The following MTCH2 variants were observed in gnomAD, a reference collection of about 807,000 sequenced individuals.
MTCH2 encodes the protein mitochondrial carrier homolog 2.
MTCH2 carries 25 observed loss-of-function variants against 50.6 expected under a neutral mutation model. The observed-to-expected ratio is 0.49, with a 90% CI of 0.36 to 0.69. The LOEUF (loss-of-function observed/expected upper bound fraction) is 0.69. Ranked by LOEUF, MTCH2 falls within the 30% of genes least tolerant of loss-of-function variation. The probability of loss-of-function intolerance (pLI) is 0.00; values close to 1 mark genes in which losing one functional copy is unlikely to be tolerated. For missense variants in MTCH2, 273 were observed against 384.4 expected (o/e 0.71, Z 2.42); for synonymous variants, 106 against 132.0 (o/e 0.80, Z 1.35).
At chr11:47,622,257 G>T (rs548016659) in intron 12 of MTCH2, among the ~76,000 whole-genome samples, 24 of 152,110 alleles carry the variant, frequency 1.6e-4, no homozygotes, top group Admixed American at 1.4e-3. Context: ...CCCTAAATTG[G>T]TATCTAGGCA....
At chr11:47,620,643 G>A (rs776046684) in intron 12 of MTCH2, among the ~76,000 whole-genome samples, 2 of 152,142 alleles carry the variant, frequency 1.3e-5, no homozygotes, top group Non-Finnish European at 2.9e-5. Flanking sequence ...GACAGAGCTT[G>A]TCTCTAAAAA....
At chr11:47,611,297 A>G in the MTCH2 span, among the ~76,000 whole-genome samples, 2 of 152,218 alleles carry the variant, frequency 1.3e-5, no homozygotes, top group Non-Finnish European at 1.5e-5. Context: ...GCAAAAAGTG[A>G]GCAGTCTGAG....
chr11:47,619,369 T>TGGGAAAGG (rs2097291117), intron 12 of MTCH2, among the ~76,000 whole-genome samples: 1 of 152,114 alleles, frequency 6.6e-6, no homozygotes, highest in Non-Finnish European at 1.5e-5. Flanking sequence ...CCTAAGTAGC[T>TGGGAAAGG]GGGAAAGGAA....
the MTCH2 span, among the ~76,000 whole-genome samples, chr11:47,611,320 T>A: frequency 1.3e-5 from 2 of 152,170 alleles, no homozygotes; most frequent in African/African-American, 4.8e-5. Context: ...GAGGCATGGT[T>A]CTGTTGTTTC....
chr11:47,625,420 C>A (rs2097297077), intron 11 of MTCH2, among the ~76,000 whole-genome samples: 2 of 10,306 alleles, frequency 1.9e-4, no homozygotes, highest in South Asian at 4.7e-3. Flanking sequence ...AAGACTCCAT[C>A]TCAAAAAAAA....
At chr11:47,609,006 T>C in the MTCH2 span, among the ~76,000 whole-genome samples, 1 of 137,522 alleles carries the variant, frequency 7.3e-6, no homozygotes, top group Non-Finnish European at 1.6e-5. Context: ...ACACCTATAA[T>C]CCCTGTTACT....
At chr11:47,640,326 T>C (rs1275811642) in intron 1 of MTCH2, among the ~76,000 whole-genome samples, 1 of 152,074 alleles carries the variant, frequency 6.6e-6, no homozygotes, top group African/African-American at 2.4e-5. Flanking sequence ...CAAAACTCCA[T>C]CTCAAAAACA....
chr11:47,633,524 A>ATATATATATG (rs1565972639), intron 5 of MTCH2, among the ~76,000 whole-genome samples: 2 of 55,308 alleles, frequency 3.6e-5, no homozygotes, highest in African/African-American at 1.8e-4. Context: ...ATATATATAT[A>ATATATATATG]TATTTTTTTT....
the MTCH2 span, among the ~76,000 whole-genome samples, chr11:47,607,747 G>A: frequency 6.6e-6 from 1 of 152,204 alleles, no homozygotes; most frequent in Non-Finnish European, 1.5e-5. Context: ...AGGGAAACCA[G>A]CCGAGGGGTG....
At chr11:47,609,966 A>C in the MTCH2 span, among the ~76,000 whole-genome samples, 1 of 152,156 alleles carries the variant, frequency 6.6e-6, no homozygotes, top group Non-Finnish European at 1.5e-5. Context: ...GGAGGACACA[A>C]ACTCATCTCC....
intron 12 of MTCH2, among the ~76,000 whole-genome samples, chr11:47,621,577 C>CA (rs2097293278): frequency 1.3e-5 from 2 of 151,996 alleles, no homozygotes; most frequent in Admixed American, 1.3e-4. Context: ...GGACTACAGG[C>CA]ACACGCTGCT....
chr11:47,632,813 C>T (rs2097304398), intron 5 of MTCH2, among the ~76,000 whole-genome samples: 2 of 152,064 alleles, frequency 1.3e-5, no homozygotes, highest in African/African-American at 4.8e-5. Flanking sequence ...ATTCTCCCGC[C>T]TCAGCCTCCT....
chr11:47,616,252 G>A (rs2097288342), downstream of MTCH2, among the ~76,000 whole-genome samples: 1 of 152,176 alleles, frequency 6.6e-6, no homozygotes, highest in East Asian at 1.9e-4. Flanking sequence ...TTAAGTCAAG[G>A]TTTCAATGGT....
chr11:47,622,143 C>T (rs1304300241), intron 12 of MTCH2, among the ~76,000 whole-genome samples: 1 of 150,832 alleles, frequency 6.6e-6, no homozygotes, highest in Non-Finnish European at 1.5e-5. Context: ...GAATTATAAG[C>T]GTGAGCCACT....
At chr11:47,616,356 TTTTC>T (rs974105844), downstream of MTCH2, among the ~76,000 whole-genome samples, 3 of 152,130 alleles carry the variant, frequency 2.0e-5, no homozygotes, top group Non-Finnish European at 4.4e-5. Context: ...GAACCCCTAC[TTTTC>T]TTTTTCTTTT....
the MTCH2 span, among the ~76,000 whole-genome samples, chr11:47,606,331 C>G: frequency 5.9e-5 from 9 of 152,334 alleles, no homozygotes; most frequent in African/African-American, 1.9e-4. Flanking sequence ...TCTTCATCCC[C>G]AGATGGAACC....
In MTCH2 at chr11:47,625,665, A is replaced by G. The variant is rs2097297413; in HGVS notation, c.749+9T>C. ...CCACCTACTAGAATAAGAAATACAAAGTGCTTACCCACAGTTGTTGACAGC... is the reference window on the plus strand; with the variant it reads ...CCACCTACTAGAATAAGAAATACAAGGTGCTTACCCACAGTTGTTGACAGC... On this transcript the variant is annotated intron_variant, in intron 11 of 12. Transcript: ENST00000302503. The G allele has an allele frequency of 8.0e-7, 1 of 1,242,588 alleles. No homozygotes were observed. Among genetic ancestry groups the G allele is most frequent in the Non-Finnish European group, 1.0e-6 (1 of 996,286 alleles). The allele number at this position is 1,242,588 out of a possible 1,614,324, so 77.0% of individuals were successfully genotyped here.
intron 3 of MTCH2, among the ~76,000 whole-genome samples, chr11:47,636,959 C>CTG (rs1449463802): frequency 2.1e-5 from 1 of 46,552 alleles, no homozygotes. Flanking sequence ...TTCAAGAACT[C>CTG]TGTTTTTTTT....
the MTCH2 span, among the ~76,000 whole-genome samples, chr11:47,610,029 T>C: frequency 2.6e-5 from 4 of 152,182 alleles, no homozygotes; most frequent in East Asian, 5.8e-4. Context: ...TAATAGAATT[T>C]AGAGTGCAAG....
Sources: allele counts gnomAD v4.1 joint callset (sites outside exome capture counted in the v4.1 genomes callset), GRCh38; gene constraint gnomAD v4.1.1; transcripts MANE v1.5; gene names NCBI Gene and HGNC (gene_info 2026-07-23, HGNC 2026-07-21).